HOXA3: variants seen among roughly 807,000 people sequenced by gnomAD.
The protein encoded by HOXA3 is homeobox protein Hox-A3.
A neutral mutation model predicts 30.3 loss-of-function variants in HOXA3; 8 were observed. That is an observed-to-expected ratio of 0.26 (90% CI 0.15 to 0.48). HOXA3 has a LOEUF of 0.48. Ranked by LOEUF, HOXA3 falls within the 20% of genes least tolerant of loss-of-function variation. The pLI is 0.99. For missense variants in HOXA3, 653 were observed against 614.4 expected, an observed-to-expected ratio of 1.06 and a Z score of -0.66; for synonymous variants, 323 against 273.1, an observed-to-expected ratio of 1.18 and a Z score of -1.80.
chr7:27,132,414 A>G (rs762698921), intron 2 of HOXA3, among the ~76,000 whole-genome samples: 1 of 152,250 alleles, frequency 6.6e-6, no homozygotes, highest in East Asian at 1.9e-4. Context: ...ATGGATAGTC[A>G]CTTAATGCTT....
At chr7:27,127,155 G>A (rs1217561892) in intron 2 of HOXA3, 85 bp from the exon 3 acceptor site, 1 of 152,280 alleles carries the variant, frequency 6.6e-6, no homozygotes, top group Non-Finnish European at 1.5e-5. Flanking sequence ...ATTTAATTTT[G>A]TTTTACAAGT....
intron 4 of HOXA3, among the ~76,000 whole-genome samples, chr7:27,114,449 G>A (rs117435603): frequency 0.029 from 4,357 of 151,602 alleles, 72 homozygotes; most frequent in Non-Finnish European, 0.041. Flanking sequence ...TTTGGGTGGG[G>A]GTGTGGGGAG....
At position 27,110,487 on chromosome 7, in the gene HOXA3, G is replaced by A. The variant is rs1290374206; in HGVS notation, c.154C>T (p.Leu52Phe). ...DGEYHRPACS[L>F]QSPSSAGGHP... ...CCCCCGGCGCTGGAGGGAGACTGGA[G>A]GGAGCAGGCGGGTCGGTGGTACTCG... The change falls in exon 5 of 6, where the codon CTC (leucine) becomes TTC (phenylalanine). Residue 52 changes from leucine (L) to phenylalanine (F), a missense_variant. By Grantham distance (22) the Leu-to-Phe change is conservative. This residue lies in a region of HOXA3 where 320 missense variants were observed against 321.9 expected (regional missense o/e 0.99). Coordinates refer to ENST00000612286, the MANE Select transcript of HOXA3 (RefSeq NM_153631.3). The A allele has an allele frequency of 6.2e-7, 1 of 1,603,118 alleles. No individual in the cohort carries two copies. The highest frequency in any genetic ancestry group is 1.3e-5 in the African/African-American group (1 of 74,850).
intron 1 of HOXA3, among the ~76,000 whole-genome samples, chr7:27,149,254 C>A (rs1162043625): frequency 2.0e-5 from 3 of 152,166 alleles, no homozygotes; most frequent in African/African-American, 7.2e-5. Context: ...TTGTAAAACC[C>A]CTTGAATTAG....
intron 1 of HOXA3, chr7:27,145,617 C>T (rs1374725983): frequency 9.4e-6 from 15 of 1,588,376 alleles, no homozygotes; most frequent in Admixed American, 1.7e-5. Context: ...GGGGCAAAGC[C>T]GAAGGAGGTT....
rs2128040186 is a variant in HOXA3, at chr7:27,110,475, A to T, written c.166T>A (p.Ser56Thr). The T allele has an allele frequency of 6.2e-7, 1 of 1,600,574 alleles. No homozygotes were observed. Among genetic ancestry groups the T allele is most frequent in the Non-Finnish European group, 8.5e-7 (1 of 1,171,404 alleles). ...HRPACSLQSP[S>T]SAGGHPKAHE... ...GCCTTGGGGTGGCCCCCGGCGCTGG[A>T]GGGAGACTGGAGGGAGCAGGCGGGT... The change falls in exon 5 of 6, where the codon TCC becomes ACC. Residue 56 changes from serine (S) to threonine (T), a missense_variant. Physicochemically the swap from Ser to Thr is moderately conservative, Grantham distance 58. This residue lies in a region of HOXA3 where 320 missense variants were observed against 321.9 expected (regional missense o/e 0.99). Coordinates refer to ENST00000612286, the MANE Select transcript of HOXA3 (RefSeq NM_153631.3).
chr7:27,135,892 C>T (rs768433309), intron 2 of HOXA3, among the ~76,000 whole-genome samples: 15 of 152,356 alleles, frequency 9.8e-5, no homozygotes, highest in South Asian at 6.2e-4. Context: ...GCTATTCCCT[C>T]AGAATGGGAG....
chr7:27,117,042 G>T (rs1784761137), intron 4 of HOXA3, among the ~76,000 whole-genome samples: 1 of 152,160 alleles, frequency 6.6e-6, no homozygotes, highest in Non-Finnish European at 1.5e-5. Context: ...TTTCCCTACT[G>T]CAAGGAGCAT....
In HOXA3 at chr7:27,107,875, T is replaced by TG. The variant is rs776644792; in HGVS notation, c.*39dup. ...AAAGCAACCAAAGAAAAAAGGTGGG[T>TG]GGGGGGAGACTCTCCTGGCGCGTAG... On this transcript the variant is annotated 3_prime_UTR_variant, in exon 6 of 6. Coordinates refer to ENST00000612286, the MANE Select transcript of HOXA3 (RefSeq NM_153631.3). The TG allele has an allele frequency of 2.4e-6, 2 of 823,516 alleles. No individual in the cohort carries two copies. The highest frequency in any genetic ancestry group is 3.8e-5 in the South Asian group (1 of 26,460). The allele number at this position is 823,516 out of a possible 1,614,324, so 51.0% of individuals were successfully genotyped here.
At chr7:27,130,222 C>G (rs1785468896) in intron 2 of HOXA3, 6 of 1,466,744 alleles carry the variant, frequency 4.1e-6, no homozygotes, top group Non-Finnish European at 5.4e-6. Flanking sequence ...CGCGGGGGCG[C>G]TGCCCCCTGC....
chr7:27,137,153 G>A (rs1042093976), intron 2 of HOXA3, among the ~76,000 whole-genome samples: 2 of 152,076 alleles, frequency 1.3e-5, no homozygotes, highest in Non-Finnish European at 2.9e-5. Flanking sequence ...TAATTATTTC[G>A]ATATAATACT....
At chr7:27,109,594 G>C (rs1784242886) in intron 5 of HOXA3, among the ~76,000 whole-genome samples, 1 of 152,354 alleles carries the variant, frequency 6.6e-6, no homozygotes, top group South Asian at 2.1e-4. Flanking sequence ...ATCTTTGGCT[G>C]CTTTCATTGT....
chr7:27,119,715 C>T (rs1784911091), intron 4 of HOXA3: 1 of 152,148 alleles, frequency 6.6e-6, no homozygotes, highest in African/African-American at 2.4e-5. Flanking sequence ...TTCACTCCTC[C>T]CCTGCAGAGG....
At chr7:27,110,015 A>T in intron 5 of HOXA3, 100 bp downstream of exon 5, 5 of 1,421,932 alleles carry the variant, frequency 3.5e-6, no homozygotes, top group African/African-American at 1.4e-5. Flanking sequence ...TGAATTCCAG[A>T]CATGCTCCAT....
chr7:27,142,035 A>G (rs1286412859), intron 1 of HOXA3: 2 of 1,614,036 alleles, frequency 1.2e-6, no homozygotes, highest in African/African-American at 1.3e-5. Context: ...AGGGTCTGGT[A>G]GCGCGTGTAG....
chr7:27,142,815 A>G (rs1040696093), intron 1 of HOXA3: 6 of 457,326 alleles, frequency 1.3e-5, no homozygotes, highest in South Asian at 5.5e-5. Flanking sequence ...CCCCCTTCCA[A>G]CGTCTAAACT....
At chr7:27,129,283 G>A in intron 2 of HOXA3, 2 of 1,613,978 alleles carry the variant, frequency 1.2e-6, no homozygotes, top group Non-Finnish European at 1.7e-6. Flanking sequence ...ATGGAGGTGT[G>A]GGCTCTGAGT....
At chr7:27,138,122 C>A (rs950976533) in intron 2 of HOXA3, among the ~76,000 whole-genome samples, 1 of 152,196 alleles carries the variant, frequency 6.6e-6, no homozygotes, top group Non-Finnish European at 1.5e-5. Flanking sequence ...AAAGAGAACC[C>A]ATACCCATGT....
intron 1 of HOXA3, among the ~76,000 whole-genome samples, 192 bp downstream of exon 1, chr7:27,152,096 G>T (rs113779914): frequency 5.4e-5 from 2 of 37,232 alleles, no homozygotes; most frequent in African/African-American, 7.2e-5. Flanking sequence ...GTGTGTGTGC[G>T]TGCGCGCGTG....
Sources: allele counts gnomAD v4.1 joint callset (sites outside exome capture counted in the v4.1 genomes callset), GRCh38; gene constraint gnomAD v4.1.1; regional missense constraint gnomAD v4.1.1; transcripts MANE v1.5; gene names NCBI Gene and HGNC (gene_info 2026-07-23, HGNC 2026-07-21).